PRKCH: variants seen among roughly 807,000 people sequenced by gnomAD.
PRKCH encodes protein kinase C eta type.
In PRKCH, 28 loss-of-function variants were observed where a neutral mutation model predicts 82.5. The observed-to-expected ratio is 0.34, with a 90% confidence interval of 0.25 to 0.47. PRKCH has a LOEUF of 0.47. PRKCH is among the 20% of genes least tolerant of loss of function. The pLI, the probability that PRKCH is intolerant of heterozygous loss-of-function variation, is 1.00. For missense variants in PRKCH, 705 were observed against 881.8 expected (o/e 0.80, Z 2.54); for synonymous variants, 322 against 327.4 (o/e 0.98, Z 0.18).
intron 1 of PRKCH, among the ~76,000 whole-genome samples, chr14:61,196,640 AAAG>A (rs1436905922): frequency 6.6e-5 from 10 of 152,218 alleles, no homozygotes; most frequent in Admixed American, 6.5e-4. Context: ...TATCTATACC[AAAG>A]AAGGTGAAAG....
intron 1 of PRKCH, among the ~76,000 whole-genome samples, chr14:61,361,562 T>C (rs1361796099): frequency 3.3e-5 from 5 of 152,232 alleles, no homozygotes; most frequent in Non-Finnish European, 7.3e-5. Flanking sequence ...GCTCATTTTA[T>C]AGCCTTTATT....
At chr14:61,249,443 AC>A (rs1223205141) in intron 1 of PRKCH, among the ~76,000 whole-genome samples, 1 of 151,938 alleles carries the variant, frequency 6.6e-6, no homozygotes, top group Non-Finnish European at 1.5e-5. Flanking sequence ...ACTTAAAAAA[AC>A]ATTGGAGTCA....
At chr14:61,271,987 A>C (rs972661352) in intron 1 of PRKCH, among the ~76,000 whole-genome samples, 15 of 152,188 alleles carry the variant, frequency 9.9e-5, no homozygotes, top group African/African-American at 3.6e-4. Context: ...GCACTTTGGG[A>C]GGCCGAGGCG....
chr14:61,542,721 TTAG>T (rs1259859568), intron 12 of PRKCH, among the ~76,000 whole-genome samples: 1 of 152,172 alleles, frequency 6.6e-6, no homozygotes, highest in Non-Finnish European at 1.5e-5. Flanking sequence ...CCCCTGCCTT[TTAG>T]TAGAACAGGA....
chr14:61,510,925 A>G (rs1365228092), intron 10 of PRKCH, among the ~76,000 whole-genome samples: 1 of 152,148 alleles, frequency 6.6e-6, no homozygotes, highest in African/African-American at 2.4e-5. Context: ...GAATGCTGGA[A>G]GTAAACCCAG....
intron 2 of PRKCH, among the ~76,000 whole-genome samples, chr14:61,392,948 T>A (rs1314736151): frequency 6.6e-6 from 1 of 152,154 alleles, no homozygotes; most frequent in Non-Finnish European, 1.5e-5. Flanking sequence ...TTGAAACATT[T>A]TTTTTCAATA....
intron 2 of PRKCH, among the ~76,000 whole-genome samples, chr14:61,402,810 A>T (rs1881709484): frequency 6.7e-6 from 1 of 148,838 alleles, no homozygotes; most frequent in Non-Finnish European, 1.5e-5. Flanking sequence ...AAAAAAAGAA[A>T]AAAAGAAAAA....
intron 12 of PRKCH, among the ~76,000 whole-genome samples, chr14:61,537,332 G>A (rs778597106): frequency 2.0e-5 from 3 of 152,118 alleles, no homozygotes; most frequent in Non-Finnish European, 4.4e-5. Flanking sequence ...AAAATAAAAG[G>A]CATTCCAGCT....
At chr14:61,353,757 C>G (rs569292610) in intron 1 of PRKCH, 1 of 152,100 alleles carries the variant, frequency 6.6e-6, no homozygotes, top group East Asian at 1.9e-4. Context: ...ATAGCAAGAC[C>G]CCATCGCTAC....
At chr14:61,219,864 C>T (rs1476572816) in intron 1 of PRKCH, among the ~76,000 whole-genome samples, 1 of 152,128 alleles carries the variant, frequency 6.6e-6, no homozygotes, top group East Asian at 1.9e-4. Flanking sequence ...GATGGCAGAG[C>T]TGCTTTGGTG....
intron 1 of PRKCH, among the ~76,000 whole-genome samples, chr14:61,340,755 A>G (rs922539520): frequency 1.6e-4 from 25 of 152,282 alleles, no homozygotes; most frequent in African/African-American, 4.8e-4. Flanking sequence ...CTCCAAGTCA[A>G]CATGTCCACA....
At chr14:61,277,206 A>C (rs1050290916) in intron 1 of PRKCH, among the ~76,000 whole-genome samples, 1 of 152,202 alleles carries the variant, frequency 6.6e-6, no homozygotes, top group African/African-American at 2.4e-5. Flanking sequence ...TGTCTCAAAA[A>C]AAATAATAAT....
intron 1 of PRKCH, among the ~76,000 whole-genome samples, chr14:61,234,458 C>T (rs1313276654): frequency 1.3e-5 from 2 of 152,124 alleles, no homozygotes; most frequent in Non-Finnish European, 2.9e-5. Flanking sequence ...CACCAGAAAG[C>T]AGGGGAAACT....
At chr14:61,433,786 C>T (rs1035716953) in intron 2 of PRKCH, among the ~76,000 whole-genome samples, 3 of 152,140 alleles carry the variant, frequency 2.0e-5, no homozygotes, top group African/African-American at 7.2e-5. Flanking sequence ...GTTGGCTGCG[C>T]AACACATAGA....
chr14:61,436,173 G>A (rs893593387), intron 2 of PRKCH, among the ~76,000 whole-genome samples: 1 of 152,196 alleles, frequency 6.6e-6, no homozygotes, highest in Non-Finnish European at 1.5e-5. Context: ...GGCAGAGGAG[G>A]CTGGAGTGAT....
chr14:61,402,511 G>C (rs1881684843), intron 2 of PRKCH, among the ~76,000 whole-genome samples: 1 of 152,174 alleles, frequency 6.6e-6, no homozygotes, highest in African/African-American at 2.4e-5. Context: ...GAATCTAGCT[G>C]TCAGGCTGGG....
At chr14:61,515,908 C>G (rs1419016535) in intron 10 of PRKCH, among the ~76,000 whole-genome samples, 1 of 144,248 alleles carries the variant, frequency 6.9e-6, no homozygotes, top group East Asian at 2.1e-4. Flanking sequence ...GCATTCCAGG[C>G]GCTATGCTAA....
intron 2 of PRKCH, among the ~76,000 whole-genome samples, chr14:61,413,316 T>A (rs1882365924): frequency 6.6e-6 from 1 of 150,730 alleles, no homozygotes; most frequent in South Asian, 2.1e-4. Context: ...ACCCTTGGCC[T>A]CTATTCTGAG....
intron 1 of PRKCH, among the ~76,000 whole-genome samples, chr14:61,339,398 A>G (rs1192184850): frequency 6.8e-6 from 1 of 146,650 alleles, no homozygotes; most frequent in African/African-American, 2.5e-5. Context: ...ATCTCAGCTC[A>G]CTGCAAGCTT....
Sources: gnomAD v4.1 joint callset for allele counts (sites outside exome capture counted in the v4.1 genomes callset) on GRCh38, gnomAD v4.1.1 for gene constraint, MANE v1.5 for transcripts, NCBI Gene and HGNC (gene_info 2026-07-23, HGNC 2026-07-21) for gene names.